The following CDK1 variants were observed in gnomAD, a reference collection of about 807,000 sequenced individuals.
CDK1 encodes the protein cyclin dependent kinase 1.
In CDK1, 5 loss-of-function variants were observed where a neutral mutation model predicts 34.6. That is an observed-to-expected ratio of 0.14 (90% confidence interval 0.08 to 0.30). The LOEUF is 0.30. Ranked by LOEUF, CDK1 falls within the 10% of genes least tolerant of loss-of-function variation. The probability of loss-of-function intolerance (pLI) is 1.00; values close to 1 mark genes in which losing one functional copy is unlikely to be tolerated. For missense variants in CDK1, 157 were observed against 345.7 expected, an observed-to-expected ratio of 0.45 and a Z score of 4.33; for synonymous variants, 108 against 114.7, an observed-to-expected ratio of 0.94 and a Z score of 0.37.
At position 60,794,178 on chromosome 10, in the gene CDK1, C is replaced by T. The variant is rs1002590655; in HGVS notation, c.*203C>T. 29 of 347,328 alleles carry T rather than the reference C, an allele frequency of 8.3e-5. No homozygotes were observed. The highest frequency in any genetic ancestry group is 1.3e-4 in the Non-Finnish European group (25 of 197,130). The allele number at this position is 347,328 out of a possible 1,614,324, so 21.5% of individuals were successfully genotyped here. A position where few individuals can be genotyped will look rare whatever the true frequency, so the allele number is the denominator to read the frequency against. ...ATTCTGTAAATGTGTGTAGGTCTCACTGTAACAACTATTTGTTACTATAAT... is the reference window on the plus strand; with the variant it reads ...ATTCTGTAAATGTGTGTAGGTCTCATTGTAACAACTATTTGTTACTATAAT... On this transcript the variant is annotated 3_prime_UTR_variant, in exon 8 of 8. Coordinates refer to ENST00000395284, the MANE Select transcript of CDK1 (RefSeq NM_001786.5).
intron 5 of CDK1, among the ~76,000 whole-genome samples, chr10:60,790,831 G>A (rs934414471): frequency 1.3e-5 from 2 of 152,068 alleles, no homozygotes; most frequent in Admixed American, 6.6e-5. Flanking sequence ...AAAATGAGTT[G>A]ACTGTAAATA....
chr10:60,780,664 G>A (rs1192589229), intron 2 of CDK1, among the ~76,000 whole-genome samples: 1 of 151,924 alleles, frequency 6.6e-6, no homozygotes, highest in Non-Finnish European at 1.5e-5. Context: ...TTTCTATTTA[G>A]TTACCCTAAG....
intron 2 of CDK1, 46 bp from the exon 3 acceptor site, chr10:60,784,659 T>C (rs377337137): frequency 1.5e-5 from 23 of 1,485,270 alleles, no homozygotes; most frequent in Admixed American, 6.4e-5. Flanking sequence ...AAAAGATCTT[T>C]AGTTTGTGGG....
intron 3 of CDK1, among the ~76,000 whole-genome samples, 200 bp from the exon 4 acceptor site, chr10:60,785,464 C>T (rs1482797155): frequency 6.6e-6 from 1 of 152,140 alleles, no homozygotes; most frequent in Non-Finnish European, 1.5e-5. Context: ...ATAAGCACCT[C>T]CTGTACAAGG....
chr10:60,785,571 A>G (rs1589111773), intron 3 of CDK1, 93 bp from the exon 4 acceptor site: 1 of 747,424 alleles, frequency 1.3e-6, no homozygotes, highest in Non-Finnish European at 2.2e-6. Flanking sequence ...AGTTTTTATT[A>G]TAGCAACTGA....
intron 2 of CDK1, among the ~76,000 whole-genome samples, chr10:60,780,593 T>C (rs2132061295): frequency 6.6e-6 from 1 of 152,344 alleles, no homozygotes; most frequent in South Asian, 2.1e-4. Context: ...GGATGATAAA[T>C]ATTTTTATCC....
intron 4 of CDK1, chr10:60,786,038 G>A: frequency 9.2e-7 from 1 of 1,092,230 alleles, no homozygotes; most frequent in Non-Finnish European, 1.1e-6. Flanking sequence ...GGAAGCTAGG[G>A]TAGTCTGGTC....
intron 5 of CDK1, among the ~76,000 whole-genome samples, chr10:60,790,484 C>A (rs377173748): frequency 6.6e-6 from 1 of 152,300 alleles, no homozygotes; most frequent in East Asian, 1.9e-4. Context: ...TGGGCTCATG[C>A]AATCCTCCCG....
chr10:60,784,667 G>C (rs529955617), intron 2 of CDK1, 38 bp from the exon 3 acceptor site: 2 of 1,516,620 alleles, frequency 1.3e-6, no homozygotes, highest in African/African-American at 2.8e-5. Flanking sequence ...TTTAGTTTGT[G>C]GGGTGTGTCA....
At chr10:60,792,437 G>A in intron 7 of CDK1, 148 bp downstream of exon 7, 1 of 598,014 alleles carries the variant, frequency 1.7e-6, no homozygotes, top group Non-Finnish European at 2.7e-6. Context: ...CTTCATTTTA[G>A]ATATCAGGAG....
At chr10:60,783,215 A>G (rs2080287507) in intron 2 of CDK1, among the ~76,000 whole-genome samples, 2 of 152,196 alleles carry the variant, frequency 1.3e-5, no homozygotes, top group African/African-American at 4.8e-5. Flanking sequence ...TGAGGATTAA[A>G]TATAGTCAAT....
chr10:60,785,640 C>T (rs2080309455), intron 3 of CDK1, 24 bp from the exon 4 acceptor site: 3 of 1,450,524 alleles, frequency 2.1e-6, no homozygotes, highest in Admixed American at 1.9e-5. Flanking sequence ...CTGGATTCTT[C>T]TCTCATATAT....
At chr10:60,783,728 C>T (rs2080291824) in intron 2 of CDK1, 1 of 152,152 alleles carries the variant, frequency 6.6e-6, no homozygotes, top group Admixed American at 6.5e-5. Context: ...ATTTCATTCC[C>T]TGTATCCACC....
At chr10:60,779,588 C>A (rs1019329733) in intron 1 of CDK1, among the ~76,000 whole-genome samples, 2 of 152,084 alleles carry the variant, frequency 1.3e-5, no homozygotes, top group African/African-American at 4.8e-5. Context: ...CCTCAGCAAG[C>A]AGAGGAAAAA....
chr10:60,794,242 T>G lies in CDK1; in HGVS notation c.*267T>G, dbSNP rs2080382418. ...TGATGTCAGGAATCAGGAAAAAATT[T>G]GAGTTGGCTTAAATCATCTCAGTCC... On this transcript the variant is annotated 3_prime_UTR_variant, in exon 8 of 8. Transcript: ENST00000395284. 1 of 227,562 alleles carries G rather than the reference T, an allele frequency of 4.4e-6. No individual in the cohort carries two copies. The highest frequency in any genetic ancestry group is 2.3e-5 in the African/African-American group (1 of 44,150). The allele number at this position is 227,562 out of a possible 1,614,324, so 14.1% of individuals were successfully genotyped here.
At chr10:60,781,120 A>G (rs1433856837) in intron 2 of CDK1, among the ~76,000 whole-genome samples, 1 of 152,028 alleles carries the variant, frequency 6.6e-6, no homozygotes, top group Non-Finnish European at 1.5e-5. Flanking sequence ...TTGCTGCTGA[A>G]TTAAAAATAT....
intron 2 of CDK1, among the ~76,000 whole-genome samples, chr10:60,783,309 T>C (rs2132064747): frequency 6.6e-6 from 1 of 152,324 alleles, no homozygotes; most frequent in South Asian, 2.1e-4. Context: ...AAATGACTCA[T>C]GTCAGTTTAT....
chr10:60,794,794 C>T lies in CDK1; in HGVS notation c.*819C>T, dbSNP rs2080387000. The T allele has an allele frequency of 6.6e-6, 1 of 152,082 alleles. No homozygotes were observed. The highest frequency in any genetic ancestry group is 1.5e-5 in the Non-Finnish European group (1 of 67,972). The allele number at this position is 152,082 out of a possible 1,614,324, so 9.4% of individuals were successfully genotyped here. The stretch of plus-strand genomic sequence containing the variant: ...GTTTATTAGCAGCCATCTAAAAAGG[C>T]TCTAATGTATATTTAACTAAAATTA... On this transcript the variant is annotated 3_prime_UTR_variant, in exon 8 of 8. Coordinates refer to ENST00000395284, the MANE Select transcript of CDK1 (RefSeq NM_001786.5).
chr10:60,779,412 G>A (rs2080252997), intron 1 of CDK1, among the ~76,000 whole-genome samples: 1 of 151,908 alleles, frequency 6.6e-6, no homozygotes, highest in Admixed American at 6.6e-5. Flanking sequence ...CATTCATTGT[G>A]ATTCAAGTAT....
Sources: allele counts gnomAD v4.1 joint callset (sites outside exome capture counted in the v4.1 genomes callset), GRCh38; gene constraint gnomAD v4.1.1; transcripts MANE v1.5; gene names NCBI Gene and HGNC (gene_info 2026-07-23, HGNC 2026-07-21).